Variants in ADAMTS20 observed in about 807,000 individuals in gnomAD.
ADAMTS20 encodes the protein ADAM metallopeptidase with thrombospondin type 1 motif 20.
A neutral mutation model predicts 260.1 loss-of-function variants in ADAMTS20; 225 were observed. That is an observed-to-expected ratio of 0.87 (90% CI 0.78 to 0.97). The LOEUF (loss-of-function observed/expected upper bound fraction) is 0.97, where lower values mean the gene tolerates loss of function less well. ADAMTS20 is among the 50% of genes least tolerant of loss of function. The probability of loss-of-function intolerance (pLI) is 0.00; values close to 1 mark genes in which losing one functional copy is unlikely to be tolerated. For missense variants in ADAMTS20, 2,400 were observed against 2,337.7 expected, an observed-to-expected ratio of 1.03 and a Z score of -0.55; for synonymous variants, 802 against 769.5, an observed-to-expected ratio of 1.04 and a Z score of -0.70.
At chr12:43,439,029 CATA>C (rs1406734696) in intron 18 of ADAMTS20, among the ~76,000 whole-genome samples, 12 of 152,258 alleles carry the variant, frequency 7.9e-5, no homozygotes, top group Admixed American at 3.9e-4. Flanking sequence ...CTGCATTGAA[CATA>C]ATATTACACA....
intron 2 of ADAMTS20, among the ~76,000 whole-genome samples, chr12:43,546,761 T>C (rs1050981728): frequency 2.0e-5 from 3 of 152,218 alleles, no homozygotes; most frequent in Non-Finnish European, 2.9e-5. Flanking sequence ...TACTTATAGA[T>C]AATTTTATGA....
intron 7 of ADAMTS20, among the ~76,000 whole-genome samples, chr12:43,469,850 C>G (rs1273348804): frequency 6.6e-6 from 1 of 152,058 alleles, no homozygotes; most frequent in Non-Finnish European, 1.5e-5. Flanking sequence ...GGAAGTTAAA[C>G]TGAGGAATCC....
chr12:43,498,617 A>G (rs1942710097), intron 4 of ADAMTS20, among the ~76,000 whole-genome samples: 1 of 152,242 alleles, frequency 6.6e-6, no homozygotes, highest in African/African-American at 2.4e-5. Flanking sequence ...AAAGTATGCA[A>G]AACCTGAACA....
At chr12:43,474,999 G>T (rs1349725050) in intron 7 of ADAMTS20, among the ~76,000 whole-genome samples, 2 of 127,006 alleles carry the variant, frequency 1.6e-5, no homozygotes, top group Non-Finnish European at 3.3e-5. Context: ...GGGCAATCAG[G>T]CAGGAGAAGG....
chr12:43,358,170 C>T (rs184662185), intron 37 of ADAMTS20, among the ~76,000 whole-genome samples: 39 of 152,280 alleles, frequency 2.6e-4, no homozygotes, highest in Admixed American at 5.2e-4. Context: ...TCTCTACCTC[C>T]CTGATCAATG....
At chr12:43,436,373 C>T (rs886498375) in intron 18 of ADAMTS20, among the ~76,000 whole-genome samples, 3 of 151,872 alleles carry the variant, frequency 2.0e-5, no homozygotes, top group Admixed American at 6.6e-5. Context: ...GAGAACAGCA[C>T]TATCCAATGA....
intron 11 of ADAMTS20, among the ~76,000 whole-genome samples, chr12:43,460,849 G>T (rs992135215): frequency 1.3e-5 from 2 of 150,316 alleles, no homozygotes; most frequent in African/African-American, 4.9e-5. Flanking sequence ...AAAAGATGAC[G>T]CTGTATAGTT....
chr12:43,434,162 A>T (rs1941504447), intron 19 of ADAMTS20, 83 bp downstream of exon 19: 1 of 1,391,796 alleles, frequency 7.2e-7, no homozygotes, highest in South Asian at 1.4e-5. Flanking sequence ...TTGCATGTCC[A>T]TGCTGTGTCA....
intron 3 of ADAMTS20, among the ~76,000 whole-genome samples, chr12:43,529,063 C>T (rs1365402296): frequency 6.6e-6 from 1 of 152,090 alleles, no homozygotes; most frequent in Non-Finnish European, 1.5e-5. Flanking sequence ...CTCAACATCA[C>T]TAATCATCAG....
At position 43,427,364 on chromosome 12, in the gene ADAMTS20, A is replaced by G; in HGVS notation, c.4051T>C (p.Leu1351=). The G allele has an allele frequency of 6.2e-7, 1 of 1,613,804 alleles. No individual in the cohort carries two copies. The highest frequency in any genetic ancestry group is 1.1e-5 in the South Asian group (1 of 91,080). The part of the protein sequence containing the change: ...YCDAASKPPE[L]QQCGPGPCPQ... ...CAAGGCCCTGGACCACATTGCTGTA[A>G]CTCTGGAGGCTTGGAGGCTGCATCG... is the stretch of plus-strand genomic sequence containing the variant. The change falls in exon 27 of 39, where the codon TTA becomes CTA. Residue 1351 remains leucine (L), a synonymous_variant. Coordinates refer to ENST00000389420, the MANE Select transcript of ADAMTS20 (RefSeq NM_025003.5).
rs1294935147 is a variant in ADAMTS20, at chr12:43,431,490, C to T, written c.3103G>A (p.Val1035Ile). Residue 1035 changes from valine (V) to isoleucine (I), a missense_variant, in exon 22 of 39, where the codon GTT becomes ATT. Val to Ile is a conservative substitution (Grantham distance 29). Transcript: ENST00000389420. ...WAASEWSECL[V>I]TCGKGTKQRQ... is the part of the protein sequence containing the mutation. ...TGCTTTGTTCCTTTACCACATGTAA[C>T]AAGGCACTGTAAGAATAAAACTGAT... is the stretch of plus-strand genomic sequence containing the variant. 2 of 1,613,910 alleles carry T rather than the reference C, an allele frequency of 1.2e-6. No individual in the cohort carries two copies. Among genetic ancestry groups the T allele is most frequent in the South Asian group, 2.2e-5 (2 of 91,076 alleles).
chr12:43,435,707 A>C (rs78915921), intron 18 of ADAMTS20, among the ~76,000 whole-genome samples: 5 of 151,540 alleles, frequency 3.3e-5, no homozygotes, highest in Non-Finnish European at 5.9e-5. Context: ...AAAAAAAAAA[A>C]ACATGGATAC....
intron 12 of ADAMTS20, 52 bp from the exon 13 acceptor site, chr12:43,452,747 CACTT>C: frequency 2.1e-6 from 3 of 1,433,634 alleles, no homozygotes; most frequent in Non-Finnish European, 2.8e-6. Context: ...TTATTTGTGC[CACTT>C]ACTTCTAAAA....
At chr12:43,511,506 G>A (rs1454034775) in intron 3 of ADAMTS20, among the ~76,000 whole-genome samples, 1 of 152,016 alleles carries the variant, frequency 6.6e-6, no homozygotes, top group East Asian at 1.9e-4. Context: ...AAAGGATTAG[G>A]TTGAAGAAAG....
chr12:43,382,211 G>A (rs1470522458), intron 31 of ADAMTS20, among the ~76,000 whole-genome samples: 3 of 152,038 alleles, frequency 2.0e-5, no homozygotes, highest in Non-Finnish European at 4.4e-5. Context: ...TTATTGAAAC[G>A]TCAAAATTGG....
chr12:43,395,977 A>C (rs1940693597), intron 29 of ADAMTS20, among the ~76,000 whole-genome samples: 1 of 151,952 alleles, frequency 6.6e-6, no homozygotes, highest in Non-Finnish European at 1.5e-5. Context: ...AAAAACTTGA[A>C]TTTACAAGTG....
intron 7 of ADAMTS20, among the ~76,000 whole-genome samples, chr12:43,485,293 T>G (rs938980094): frequency 1.3e-5 from 2 of 152,042 alleles, no homozygotes; most frequent in Non-Finnish European, 2.9e-5. Context: ...TAAATGTGAT[T>G]CATCACATAA....
At chr12:43,508,937 T>C (rs1033449590) in intron 3 of ADAMTS20, among the ~76,000 whole-genome samples, 1 of 152,118 alleles carries the variant, frequency 6.6e-6, no homozygotes, top group Non-Finnish European at 1.5e-5. Flanking sequence ...CAGTGTGTGT[T>C]TTTCCCCTCC....
intron 3 of ADAMTS20, among the ~76,000 whole-genome samples, chr12:43,510,832 T>C (rs970113294): frequency 1.3e-5 from 2 of 152,014 alleles, no homozygotes; most frequent in African/African-American, 2.4e-5. Context: ...AATAAGAATA[T>C]AAACTACTAG....
Sources: allele counts gnomAD v4.1 joint callset (sites outside exome capture counted in the v4.1 genomes callset), GRCh38; gene constraint gnomAD v4.1.1; transcripts MANE v1.5; gene names NCBI Gene and HGNC (gene_info 2026-07-23, HGNC 2026-07-21).